The following IMPACT variants were observed in gnomAD, a reference collection of about 807,000 sequenced individuals.
IMPACT encodes impact RWD domain protein.
In IMPACT, 35 loss-of-function variants were observed where a neutral mutation model predicts 47.5. The observed-to-expected ratio is 0.74, with a 90% CI of 0.56 to 0.98. The LOEUF (loss-of-function observed/expected upper bound fraction) is 0.98. IMPACT is among the 50% of genes least tolerant of loss of function. The pLI, the probability that IMPACT is intolerant of heterozygous loss-of-function variation, is 0.00. For synonymous variants in IMPACT, 118 were observed against 125.6 expected, an observed-to-expected ratio of 0.94 and a Z score of 0.40; for missense variants, 373 against 394.8, an observed-to-expected ratio of 0.94 and a Z score of 0.47.
Position 24,450,998 on chromosome 18 carries a change from A to T in IMPACT, c.*151A>T. The T allele has an allele frequency of 1.9e-6, 1 of 513,906 alleles. No individual in the cohort carries two copies. Among genetic ancestry groups the T allele is most frequent in the East Asian group, 3.2e-5 (1 of 31,706 alleles). The allele number at this position is 513,906 out of a possible 1,614,324, so 31.8% of individuals were successfully genotyped here. A position where few individuals can be genotyped will look rare whatever the true frequency, so the allele number is the denominator to read the frequency against. On this transcript the variant is annotated 3_prime_UTR_variant, in exon 11 of 11. Coordinates refer to ENST00000284202, the MANE Select transcript of IMPACT (RefSeq NM_018439.4). ...AACATTAGCTTTTCTTCTTGGTTAT[A>T]TCATCTGCCAAAAATAGAGAACTTA...
Position 24,443,045 on chromosome 18 carries a change from C to CTAGAAG in IMPACT, c.500_505dup. The CTAGAAG allele has an allele frequency of 2.0e-6, 3 of 1,499,218 alleles. No individual in the cohort carries two copies. Among genetic ancestry groups the CTAGAAG allele is most frequent in the South Asian group, 2.4e-5 (2 of 83,948 alleles). 92.9% of individuals were successfully genotyped at this position (1,499,218 alleles called of 1,614,324 possible). On this transcript the variant is annotated splice_region_variant and splice_polypyrimidine_tract_variant and intron_variant, in intron 6 of 10. Transcript: ENST00000284202. ...AAAAAATAAAGTTTCTTTTACATTT[C>CTAGAAG]TAGAAGTAGAAGTAGAAGAATTACC...
chr18:24,440,888 G>A (rs1273765790), intron 6 of IMPACT, among the ~76,000 whole-genome samples: 2 of 152,122 alleles, frequency 1.3e-5, no homozygotes, highest in East Asian at 3.8e-4. Flanking sequence ...ACTAAGAAAG[G>A]CTATTAACGT....
At chr18:24,443,522 C>A (rs2144345346) in intron 7 of IMPACT, among the ~76,000 whole-genome samples, 1 of 152,230 alleles carries the variant, frequency 6.6e-6, no homozygotes, top group South Asian at 2.1e-4. Flanking sequence ...TAGGGGTTAA[C>A]CCTCTAATGA....
rs1909340733 is a variant in IMPACT, at chr18:24,449,954, G to T, written c.894+1G>T. On this transcript the variant is annotated splice_donor_variant, in intron 10 of 10. Coordinates refer to ENST00000284202, the MANE Select transcript of IMPACT (RefSeq NM_018439.4). LOFTEE classifies it high-confidence loss of function. ...GGAAAAGAACTACACAAATTCACCTGTAAGTGGCTCTTCGTACTACATCTA... is the reference window on the plus strand; with the variant it reads ...GGAAAAGAACTACACAAATTCACCTTTAAGTGGCTCTTCGTACTACATCTA... 1 of 1,613,810 alleles carries T rather than the reference G, an allele frequency of 6.2e-7. No homozygotes were observed. The highest frequency in any genetic ancestry group is 8.5e-7 in the Non-Finnish European group (1 of 1,179,748).
In IMPACT at chr18:24,430,324, C is replaced by A; in HGVS notation, c.221C>A (p.Ala74Asp). 6.3e-7 allele frequency: 1 copy of A among 1,589,700 alleles called. No individual in the cohort carries two copies. Among genetic ancestry groups the A allele is most frequent in the Non-Finnish European group, 8.6e-7 (1 of 1,168,704 alleles). ...GTAPPIYQLNAPWLKGQERAD... is the reference protein window; with the variant it reads ...GTAPPIYQLNDPWLKGQERAD... ...TTAATTGTTTTATTTAATCTTAGTG[C>A]TCCTTGGCTTAAAGGGCAAGAACGT... The change falls in exon 4 of 11, where the codon GCT becomes GAT. Residue 74 changes from alanine (A) to aspartate (D), a missense_variant and splice_region_variant. Transcript: ENST00000284202.
Position 24,440,557 on chromosome 18 carries a change from A to G in IMPACT, c.429A>G (p.Leu143=), listed in dbSNP as rs1473288087. Reference sequence around the variant, plus strand: ...TTGAATGTGAAGATGATCTCATTTTAGCATGTCAGCCGGAAAGTTCGCTTA... The same window carrying G: ...TTGAATGTGAAGATGATCTCATTTTGGCATGTCAGCCGGAAAGTTCGCTTA... ...EDVECEDDLI[L]ACQPESSLKA... The change falls in exon 6 of 11, where the codon TTA becomes TTG. Residue 143 remains leucine, a synonymous_variant. Transcript: ENST00000284202. The G allele has an allele frequency of 1.9e-6, 3 of 1,613,304 alleles. No homozygotes were observed. The highest frequency in any genetic ancestry group is 4.5e-5 in the East Asian group (2 of 44,886).
At position 24,440,610 on chromosome 18, in the gene IMPACT, C is replaced by T. The variant is rs753777036; in HGVS notation, c.482C>T (p.Thr161Ile). ...GCATTGGATTTTGATATCAGTGAAA[C>T]TCGGACAGGTATAATGTTACTAACT... ...LKALDFDISE[T>I]RTEVEVEELP... is the part of the protein sequence containing the mutation. The change falls in exon 6 of 11, where the codon ACT (threonine) becomes ATT (isoleucine). Residue 161 changes from threonine to isoleucine, a missense_variant. Thr to Ile is a moderately conservative substitution (Grantham distance 89). Transcript: ENST00000284202. 10 of 1,612,678 alleles carry T rather than the reference C, an allele frequency of 6.2e-6. No individual in the cohort carries two copies. The highest frequency in any genetic ancestry group is 3.3e-5 in the Admixed American group (2 of 59,726).
rs1055559610 is a variant in IMPACT at position 24,453,450 on chromosome 18, A to G, written c.*2603A>G. 3 of 152,180 alleles carry G rather than the reference A, an allele frequency of 2.0e-5. No homozygotes were observed. The highest frequency in any genetic ancestry group is 2.9e-5 in the Non-Finnish European group (2 of 68,030). 9.4% of individuals were successfully genotyped at this position (152,180 alleles called of 1,614,324 possible). A position where few individuals can be genotyped will look rare whatever the true frequency, so the allele number is the denominator to read the frequency against. On this transcript the variant is annotated 3_prime_UTR_variant, in exon 11 of 11. Transcript: ENST00000284202. ...ATAAAAATGGTATTAAACTGTATAT[A>G]CTGTTTTGTAGCCTACATATTTCAT...
At position 24,445,373 on chromosome 18, in the gene IMPACT, A is replaced by T; in HGVS notation, c.595-20A>T. On this transcript the variant is annotated intron_variant, in intron 7 of 10. Transcript: ENST00000284202. ...GCAAATATAAAAAGCATACTTATTTATATTATTGCTGTTTTTAAGGTGAAA... is the reference window on the plus strand; with the variant it reads ...GCAAATATAAAAAGCATACTTATTTTTATTATTGCTGTTTTTAAGGTGAAA... The T allele has an allele frequency of 1.4e-6, 2 of 1,384,466 alleles. No individual in the cohort carries two copies. Among genetic ancestry groups the T allele is most frequent in the Non-Finnish European group, 2.0e-6 (2 of 986,144 alleles). The allele number at this position is 1,384,466 out of a possible 1,614,324, so 85.8% of individuals were successfully genotyped here. A position where few individuals can be genotyped will look rare whatever the true frequency, so the allele number is the denominator to read the frequency against.
At chr18:24,440,379 A>C in intron 5 of IMPACT, 117 bp from the exon 6 acceptor site, 1 of 1,008,234 alleles carries the variant, frequency 9.9e-7, no homozygotes, top group South Asian at 1.6e-5. Context: ...CTACGGGCTG[A>C]GTGCTGGTTC....
intron 4 of IMPACT, among the ~76,000 whole-genome samples, chr18:24,437,178 A>T (rs1908970313): frequency 6.6e-6 from 1 of 152,192 alleles, no homozygotes; most frequent in Admixed American, 6.5e-5. Context: ...GTTGCTATAT[A>T]GTAGTGTGGT....
rs1909373099 is a variant in IMPACT at position 24,451,113 on chromosome 18, C to T, written c.*266C>T. On this transcript the variant is annotated 3_prime_UTR_variant, in exon 11 of 11. Coordinates refer to ENST00000284202, the MANE Select transcript of IMPACT (RefSeq NM_018439.4). Reference sequence around the variant, plus strand: ...TCTAATTTTAGCAAGGTAACAGTTGCCCAGGGCAGTACCTGAATTAACTGT... The same window carrying T: ...TCTAATTTTAGCAAGGTAACAGTTGTCCAGGGCAGTACCTGAATTAACTGT... 3.6e-6 allele frequency: 1 copy of T among 280,158 alleles called. No individual in the cohort carries two copies. The highest frequency in any genetic ancestry group is 6.7e-6 in the Non-Finnish European group (1 of 149,442). The allele number at this position is 280,158 out of a possible 1,614,324, so 17.4% of individuals were successfully genotyped here. A position where few individuals can be genotyped will look rare whatever the true frequency, so the allele number is the denominator to read the frequency against.
Position 24,430,388 on chromosome 18 carries a change from A to C in IMPACT, c.281+4A>C, listed in dbSNP as rs746886825. 7 of 1,588,556 alleles carry C rather than the reference A, an allele frequency of 4.4e-6. No individual in the cohort carries two copies. The highest frequency in any genetic ancestry group is 6.0e-6 in the Non-Finnish European group (7 of 1,168,896). ...ATAGCCTTGAGGAAATATATATGTA[A>C]GTGACAGGCGATTTTTTAAAATAAT... On this transcript the variant is annotated splice_donor_region_variant and intron_variant, in intron 4 of 10. Transcript: ENST00000284202.
At chr18:24,428,123 A>G in intron 2 of IMPACT, 76 bp downstream of exon 2, 4 of 1,292,852 alleles carry the variant, frequency 3.1e-6, no homozygotes, top group Non-Finnish European at 4.2e-6. Flanking sequence ...TATTCTAATG[A>G]TTGTGTTGTT....
At chr18:24,429,550 C>A (rs1908697586) in intron 3 of IMPACT, 2 of 151,902 alleles carry the variant, frequency 1.3e-5, no homozygotes, top group African/African-American at 4.8e-5. Context: ...TAATTGATCA[C>A]AACTGGTTAG....
intron 9 of IMPACT, 53 bp downstream of exon 9, chr18:24,448,236 CAACAA>C: frequency 8.3e-7 from 1 of 1,208,416 alleles, no homozygotes; most frequent in Non-Finnish European, 1.2e-6. Flanking sequence ...TAAAATTTCT[CAACAA>C]AACAGAGCTC....
In IMPACT at chr18:24,452,823, T is replaced by G. The variant is rs1164609059; in HGVS notation, c.*1976T>G. 6.6e-6 allele frequency: 1 copy of G among 152,234 alleles called. No homozygotes were observed. The highest frequency in any genetic ancestry group is 1.5e-5 in the Non-Finnish European group (1 of 68,040). 9.4% of individuals were successfully genotyped at this position (152,234 alleles called of 1,614,324 possible). A position where few individuals can be genotyped will look rare whatever the true frequency, so the allele number is the denominator to read the frequency against. ...AAAATTTTTTTTTAGAGATGAGTTC[T>G]TGCTCTGTCACCTAGGCTGGAGTGC... On this transcript the variant is annotated 3_prime_UTR_variant, in exon 11 of 11. Coordinates refer to ENST00000284202, the MANE Select transcript of IMPACT (RefSeq NM_018439.4).
chr18:24,443,779 G>A (rs187284942), intron 7 of IMPACT, among the ~76,000 whole-genome samples: 2 of 152,170 alleles, frequency 1.3e-5, no homozygotes, highest in Non-Finnish European at 1.5e-5. Context: ...AATGGGAGAG[G>A]TTTCAGCCAT....
chr18:24,426,885 G>A (rs965423392), intron 1 of IMPACT, 93 bp downstream of exon 1: 3 of 913,956 alleles, frequency 3.3e-6, no homozygotes, highest in East Asian at 3.3e-5. Context: ...TCCGCCTGGG[G>A]CCGCCCCGGG....
Sources: gnomAD v4.1 joint callset for allele counts (sites outside exome capture counted in the v4.1 genomes callset) on GRCh38, gnomAD v4.1.1 for gene constraint, MANE v1.5 for transcripts, NCBI Gene and HGNC (gene_info 2026-07-23, HGNC 2026-07-21) for gene names.